Variants in NAV2 observed in about 807,000 individuals in gnomAD.
NAV2 encodes helicase, APC down-regulated 1.
A neutral mutation model predicts 223.2 loss-of-function variants in NAV2; 54 were observed. The observed-to-expected ratio is 0.24, with a 90% CI of 0.19 to 0.30. The LOEUF (loss-of-function observed/expected upper bound fraction) is 0.30, where lower values mean the gene tolerates loss of function less well. Among genes scored for constraint, NAV2 ranks in the 10% least tolerant of loss-of-function variants. NAV2 has a pLI of 1.00. For missense variants in NAV2, 2,806 were observed against 3,147.5 expected (o/e 0.89, Z 2.60); for synonymous variants, 1,279 against 1,239.3 (o/e 1.03, Z -0.67).
At chr11:20,011,152 T>C (rs1021749394) in intron 11 of NAV2, among the ~76,000 whole-genome samples, 3 of 152,234 alleles carry the variant, frequency 2.0e-5, no homozygotes, top group African/African-American at 7.2e-5. Context: ...CTCCAGGTTT[T>C]GTAATTACCT....
At chr11:19,539,763 G>A (rs1565030822) in intron 1 of NAV2, among the ~76,000 whole-genome samples, 2 of 152,272 alleles carry the variant, frequency 1.3e-5, no homozygotes, top group Non-Finnish European at 2.9e-5. Context: ...TGAATTTGAT[G>A]CAATCAGTCC....
chr11:19,457,953 G>A (rs1182213939), intron 1 of NAV2, among the ~76,000 whole-genome samples: 2 of 152,224 alleles, frequency 1.3e-5, no homozygotes, highest in Non-Finnish European at 2.9e-5. Flanking sequence ...CAAGGAGTTA[G>A]AGAAGAAAGA....
upstream of NAV2, among the ~76,000 whole-genome samples, chr11:19,350,287 A>G (rs1336137695): frequency 6.6e-6 from 1 of 152,156 alleles, no homozygotes; most frequent in Non-Finnish European, 1.5e-5. Context: ...AGGCCTCACT[A>G]TGTGGCTCCA....
intron 1 of NAV2, among the ~76,000 whole-genome samples, chr11:19,599,295 T>A (rs1333381234): frequency 6.6e-6 from 1 of 152,254 alleles, no homozygotes; most frequent in African/African-American, 2.4e-5. Context: ...GCAAATGGTT[T>A]GGCTGGAAAA....
Position 19,408,825 on chromosome 11 carries a change from G to T in NAV2, c.75+57798G>T, listed in dbSNP as rs555925775. Reference sequence around the variant, plus strand: ...TACAGCCTCTTTTTTCTGGCGGGGTGGGGGGATGTTAATACTCCAAACTGA... The same window carrying T: ...TACAGCCTCTTTTTTCTGGCGGGGTTGGGGGATGTTAATACTCCAAACTGA... On this transcript the variant is annotated intron_variant, in intron 1 of 37. Transcript: ENST00000360655. Among the ~76,000 whole-genome samples, 192 of 131,236 alleles carry T rather than the reference G, an allele frequency of 1.5e-3. 6 individuals carry two copies. In the South Asian group the frequency reaches 0.044, roughly 30 times the overall value. 86.1% of individuals were successfully genotyped at this position (131,236 alleles called of 152,430 possible). A position where few individuals can be genotyped will look rare whatever the true frequency, so the allele number is the denominator to read the frequency against.
chr11:19,664,076 T>TG (rs2048352732), intron 1 of NAV2, among the ~76,000 whole-genome samples: 1 of 152,160 alleles, frequency 6.6e-6, no homozygotes, highest in East Asian at 1.9e-4. Context: ...CTTTCTTCCC[T>TG]CTCAAAGGGT....
intron 11 of NAV2, among the ~76,000 whole-genome samples, chr11:20,032,995 T>C (rs1564885478): frequency 6.6e-6 from 1 of 152,226 alleles, no homozygotes. Flanking sequence ...TAGGAGAGTA[T>C]GTGCAAATGT....
At chr11:19,578,440 G>A (rs1048477708) in intron 1 of NAV2, among the ~76,000 whole-genome samples, 1 of 152,188 alleles carries the variant, frequency 6.6e-6, no homozygotes, top group South Asian at 2.1e-4. Flanking sequence ...CTCTAGAAGG[G>A]ACATCGACTT....
chr11:19,917,533 C>G (rs368168148), intron 6 of NAV2, among the ~76,000 whole-genome samples: 84 of 152,294 alleles, frequency 5.5e-4, no homozygotes, highest in African/African-American at 1.9e-3. Context: ...CTTACCCTCA[C>G]AGACAGTGGC....
intron 11 of NAV2, among the ~76,000 whole-genome samples, chr11:20,031,197 C>T (rs1434673398): frequency 6.6e-6 from 1 of 152,200 alleles, no homozygotes; most frequent in African/African-American, 2.4e-5. Context: ...GGTCCCCAAG[C>T]CACTTCTCTG....
At chr11:19,968,314 C>T (rs1184943906) in intron 10 of NAV2, among the ~76,000 whole-genome samples, 1 of 152,160 alleles carries the variant, frequency 6.6e-6, no homozygotes, top group African/African-American at 2.4e-5. Flanking sequence ...GGATTCTCCG[C>T]TTCCTGATTC....
intron 1 of NAV2, among the ~76,000 whole-genome samples, chr11:19,597,692 T>C (rs764457960): frequency 1.3e-5 from 2 of 152,280 alleles, no homozygotes; most frequent in African/African-American, 2.4e-5. Flanking sequence ...TTACTGATAG[T>C]GGACCTTTGT....
chr11:20,060,916 TA>T (rs1263419790), intron 19 of NAV2, among the ~76,000 whole-genome samples: 4 of 152,200 alleles, frequency 2.6e-5, no homozygotes, highest in African/African-American at 9.7e-5. Context: ...ACCTGAGTGT[TA>T]GGCTGAGCTA....
chr11:19,597,133 C>T (rs989573462), intron 1 of NAV2, among the ~76,000 whole-genome samples: 1 of 152,214 alleles, frequency 6.6e-6, no homozygotes, highest in African/African-American at 2.4e-5. Context: ...GACTTTGTCT[C>T]TCTGAGCCAA....
chr11:19,373,534 C>A (rs1046586721), intron 1 of NAV2, among the ~76,000 whole-genome samples: 1 of 152,202 alleles, frequency 6.6e-6, no homozygotes, highest in Non-Finnish European at 1.5e-5. Context: ...CAGGTCACCT[C>A]CTCTGAAAGA....
At chr11:19,430,409 G>A (rs1001111934) in intron 1 of NAV2, among the ~76,000 whole-genome samples, 2 of 152,154 alleles carry the variant, frequency 1.3e-5, no homozygotes, top group Non-Finnish European at 2.9e-5. Flanking sequence ...TCCTCAGGCT[G>A]GGTCCTCTTG....
intron 26 of NAV2, among the ~76,000 whole-genome samples, chr11:20,085,269 C>T (rs1235477754): frequency 6.6e-6 from 1 of 151,846 alleles, no homozygotes; most frequent in Non-Finnish European, 1.5e-5. Context: ...TGACATAGTA[C>T]AGTTCATTCT....
chr11:19,628,815 T>A (rs2047253700), intron 1 of NAV2, among the ~76,000 whole-genome samples: 1 of 152,218 alleles, frequency 6.6e-6, no homozygotes, highest in Non-Finnish European at 1.5e-5. Context: ...ACCCTTCTAG[T>A]CTTCTGGAAT....
At chr11:19,987,218 T>C (rs1377861830) in intron 11 of NAV2, among the ~76,000 whole-genome samples, 2 of 152,228 alleles carry the variant, frequency 1.3e-5, no homozygotes, top group East Asian at 3.8e-4. Flanking sequence ...GCAATTTCGA[T>C]AATACTGTTC....
Sources: allele counts gnomAD v4.1 joint callset (sites outside exome capture counted in the v4.1 genomes callset), GRCh38; gene constraint gnomAD v4.1.1; transcripts MANE v1.5; gene names NCBI Gene and HGNC (gene_info 2026-07-23, HGNC 2026-07-21).